NLGN1: variants seen among roughly 807,000 people sequenced by gnomAD.
NLGN1 encodes neuroligin-1.
NLGN1 carries 12 observed loss-of-function variants against 65.5 expected under a neutral mutation model. That is an observed-to-expected ratio of 0.18 (90% confidence interval 0.12 to 0.30). The LOEUF (loss-of-function observed/expected upper bound fraction) is 0.30. Ranked by LOEUF, NLGN1 falls within the 10% of genes least tolerant of loss-of-function variation. The probability of loss-of-function intolerance (pLI) is 1.00; values close to 1 mark genes in which losing one functional copy is unlikely to be tolerated. For synonymous variants in NLGN1, 350 were observed against 359.5 expected (o/e 0.97, Z 0.30); for missense variants, 750 against 1,007.1 (o/e 0.74, Z 3.46).
intron 3 of NLGN1, among the ~76,000 whole-genome samples, chr3:173,784,620 G>A (rs1224006671): frequency 6.6e-6 from 1 of 152,024 alleles, no homozygotes; most frequent in South Asian, 2.1e-4. Context: ...AACAGAGAGA[G>A]GAGAGAGAGA....
intron 4 of NLGN1, among the ~76,000 whole-genome samples, chr3:174,061,428 A>G (rs188304539): frequency 6.6e-6 from 1 of 152,158 alleles, no homozygotes; most frequent in Non-Finnish European, 1.5e-5. Flanking sequence ...GAATTGGTAA[A>G]TGCACTGTAG....
intron 4 of NLGN1, among the ~76,000 whole-genome samples, chr3:173,915,481 A>G (rs1341682888): frequency 2.0e-5 from 3 of 152,224 alleles, no homozygotes; most frequent in Non-Finnish European, 4.4e-5. Context: ...ATAATATCCA[A>G]TTAAGCTTTT....
intron 1 of NLGN1, among the ~76,000 whole-genome samples, chr3:173,431,733 C>CAAAATCCA (rs976978491): frequency 6.6e-6 from 1 of 152,030 alleles, no homozygotes; most frequent in Non-Finnish European, 1.5e-5. Context: ...CATTATCATC[C>CAAAATCCA]AAAATCCAAA....
chr3:174,248,330 G>A (rs1428066080), intron 4 of NLGN1, among the ~76,000 whole-genome samples: 1 of 152,170 alleles, frequency 6.6e-6, no homozygotes, highest in Non-Finnish European at 1.5e-5. Flanking sequence ...ATAGGGAACA[G>A]AGTCAGGCAA....
chr3:174,172,331 A>T (rs1349430011), intron 4 of NLGN1, among the ~76,000 whole-genome samples: 1 of 152,098 alleles, frequency 6.6e-6, no homozygotes, highest in Non-Finnish European at 1.5e-5. Flanking sequence ...TTAAATTATA[A>T]TTAAATTATT....
chr3:173,627,318 C>T (rs563917584), intron 3 of NLGN1, among the ~76,000 whole-genome samples: 4 of 152,126 alleles, frequency 2.6e-5, no homozygotes, highest in African/African-American at 9.6e-5. Flanking sequence ...TCTTTCTGTG[C>T]TTTGCTTATT....
intron 1 of NLGN1, among the ~76,000 whole-genome samples, chr3:173,406,402 A>G (rs1208672225): frequency 6.6e-6 from 1 of 151,398 alleles, no homozygotes; most frequent in African/African-American, 2.4e-5. Flanking sequence ...TTTTTATTTT[A>G]TCATTACTGA....
At chr3:173,868,000 A>T (rs1730511894) in intron 4 of NLGN1, among the ~76,000 whole-genome samples, 1 of 152,218 alleles carries the variant, frequency 6.6e-6, no homozygotes, top group Non-Finnish European at 1.5e-5. Context: ...AATCTCCACT[A>T]AGAAAATAGC....
intron 2 of NLGN1, among the ~76,000 whole-genome samples, chr3:173,497,859 T>A (rs1338594797): frequency 6.6e-6 from 1 of 151,890 alleles, no homozygotes; most frequent in South Asian, 2.1e-4. Flanking sequence ...TCTAGAAAAA[T>A]AGTCTGCATA....
At chr3:173,695,968 T>C (rs974569185) in intron 3 of NLGN1, among the ~76,000 whole-genome samples, 1 of 152,082 alleles carries the variant, frequency 6.6e-6, no homozygotes. Context: ...TGAGCCACCA[T>C]GTCTGGCTAA....
At chr3:173,711,231 A>G (rs1332417669) in intron 3 of NLGN1, among the ~76,000 whole-genome samples, 1 of 152,204 alleles carries the variant, frequency 6.6e-6, no homozygotes, top group African/African-American at 2.4e-5. Context: ...ATTCACAATA[A>G]TATTTCACAG....
intron 4 of NLGN1, among the ~76,000 whole-genome samples, chr3:173,921,995 C>T (rs988214805): frequency 2.6e-5 from 4 of 152,014 alleles, no homozygotes; most frequent in African/African-American, 2.4e-5. Flanking sequence ...CCTTAGCAAC[C>T]CAGGGTGGTG....
intron 2 of NLGN1, among the ~76,000 whole-genome samples, chr3:173,601,847 AG>A (rs1299660124): frequency 6.6e-6 from 1 of 152,062 alleles, no homozygotes; most frequent in Non-Finnish European, 1.5e-5. Flanking sequence ...CAATAAGAAT[AG>A]GGTAGATCAT....
intron 2 of NLGN1, among the ~76,000 whole-genome samples, chr3:173,461,434 T>C (rs1260193439): frequency 6.6e-6 from 1 of 152,044 alleles, no homozygotes; most frequent in East Asian, 1.9e-4. Context: ...AATTCTCAAA[T>C]GGGGGAAAGA....
At chr3:173,687,242 G>A (rs1275116534) in intron 3 of NLGN1, among the ~76,000 whole-genome samples, 1 of 152,172 alleles carries the variant, frequency 6.6e-6, no homozygotes, top group African/African-American at 2.4e-5. Context: ...ACTCCTTTGT[G>A]TAAAATCTTT....
chr3:173,979,494 A>G (rs1718291905), intron 4 of NLGN1, among the ~76,000 whole-genome samples: 1 of 152,124 alleles, frequency 6.6e-6, no homozygotes, highest in African/African-American at 2.4e-5. Context: ...TGGGCTCTAG[A>G]TTGAAGAGAA....
chr3:173,996,071 A>C (rs891074230), intron 4 of NLGN1, among the ~76,000 whole-genome samples: 2 of 152,164 alleles, frequency 1.3e-5, no homozygotes, highest in Non-Finnish European at 2.9e-5. Flanking sequence ...AAAACAGTAG[A>C]GTATCAGTCT....
Position 174,248,614 on chromosome 3 carries a change from A to G in NLGN1, c.647-26701A>G, listed in dbSNP as rs532054539. Among the ~76,000 whole-genome samples the G allele has an allele frequency of 7.9e-5, 12 of 152,152 alleles. No homozygotes were observed. The East Asian group carries it at 2.3e-3, about 30-fold the overall frequency. ...ATCTCTACTAAAAATATAAAAAATT[A>G]GCTGGGTGTGGTGGCACGTGCCTTT... On this transcript the variant is annotated intron_variant, in intron 4 of 6. Coordinates refer to ENST00000457714, the Ensembl canonical transcript of NLGN1.
intron 4 of NLGN1, among the ~76,000 whole-genome samples, chr3:174,173,481 G>A (rs531157490): frequency 6.6e-6 from 1 of 151,974 alleles, no homozygotes; most frequent in East Asian, 1.9e-4. Context: ...GATTATAGGA[G>A]GGTATGTTCC....
Sources: gnomAD v4.1 joint callset for allele counts (sites outside exome capture counted in the v4.1 genomes callset) on GRCh38, gnomAD v4.1.1 for gene constraint, MANE v1.5 for transcripts, NCBI Gene and HGNC (gene_info 2026-07-23, HGNC 2026-07-21) for gene names.